CNTN5: variants seen among roughly 807,000 people sequenced by gnomAD.
CNTN5 encodes the protein contactin 5.
Under a neutral mutation model 129.1 loss-of-function variants are expected in CNTN5, and 77 were observed. The observed-to-expected ratio is 0.60, with a 90% CI of 0.50 to 0.72. The LOEUF (loss-of-function observed/expected upper bound fraction) is 0.72. Among genes scored for constraint, CNTN5 ranks in the 30% least tolerant of loss-of-function variants. The pLI is 0.00. For synonymous variants in CNTN5, 509 were observed against 465.6 expected (o/e 1.09, Z -1.20); for missense variants, 1,478 against 1,328.8 (o/e 1.11, Z -1.75).
chr11:99,585,310 T>C (rs1036538677), intron 3 of CNTN5, among the ~76,000 whole-genome samples: 14 of 152,316 alleles, frequency 9.2e-5, no homozygotes, highest in African/African-American at 3.1e-4. Flanking sequence ...CTTTTTTGAC[T>C]ACATATGTGT....
chr11:99,441,622 G>A (rs1436764094), intron 2 of CNTN5, among the ~76,000 whole-genome samples: 1 of 152,092 alleles, frequency 6.6e-6, no homozygotes, highest in Non-Finnish European at 1.5e-5. Flanking sequence ...GGATTTGGTT[G>A]CACCAAAGTA....
chr11:99,979,443 C>T (rs758257967), intron 8 of CNTN5, among the ~76,000 whole-genome samples: 3 of 152,094 alleles, frequency 2.0e-5, no homozygotes, highest in Admixed American at 6.5e-5. Flanking sequence ...CATACAAAGG[C>T]ACTGGGGAAG....
At chr11:99,498,506 C>T (rs7127856) in intron 2 of CNTN5, among the ~76,000 whole-genome samples, 32,861 of 152,014 alleles carry the variant, frequency 0.22, 3,765 homozygotes, top group Non-Finnish European at 0.25. Flanking sequence ...CTCCATTTTC[C>T]TCTCCCTAAC....
chr11:99,229,544 G>C (rs561501449), intron 1 of CNTN5, among the ~76,000 whole-genome samples: 2,433 of 122,436 alleles, frequency 0.02, 46 homozygotes, highest in African/African-American at 0.043. Flanking sequence ...AAAAAAAAAG[G>C]ACACAGCAGG....
chr11:100,339,315 G>A (rs1297003514), intron 21 of CNTN5, among the ~76,000 whole-genome samples: 6 of 152,070 alleles, frequency 3.9e-5, no homozygotes, highest in Non-Finnish European at 1.5e-5. Flanking sequence ...TGATGGGGAA[G>A]GTGGAAAATT....
chr11:99,326,883 T>C (rs1865807495), intron 2 of CNTN5, among the ~76,000 whole-genome samples: 1 of 152,146 alleles, frequency 6.6e-6, no homozygotes, highest in Non-Finnish European at 1.5e-5. Context: ...AATTTTGCCA[T>C]CAAAGTTCTA....
intron 3 of CNTN5, among the ~76,000 whole-genome samples, chr11:99,702,674 A>G (rs1954575346): frequency 6.6e-6 from 1 of 150,840 alleles, no homozygotes. Context: ...ACTTATCAAT[A>G]TTTTTCAGGA....
At chr11:99,631,094 A>G (rs1222192172) in intron 3 of CNTN5, among the ~76,000 whole-genome samples, 2 of 152,174 alleles carry the variant, frequency 1.3e-5, no homozygotes, top group Non-Finnish European at 2.9e-5. Context: ...GAAATTAATC[A>G]TGACAAACCA....
intron 2 of CNTN5, among the ~76,000 whole-genome samples, chr11:99,442,040 A>C (rs1290828129): frequency 4.6e-5 from 7 of 152,126 alleles, no homozygotes; most frequent in Non-Finnish European, 1.0e-4. Context: ...TTCCCTGATC[A>C]TCCTAAGCAG....
At chr11:100,155,338 T>C (rs527377734) in intron 13 of CNTN5, among the ~76,000 whole-genome samples, 62 of 152,056 alleles carry the variant, frequency 4.1e-4, no homozygotes, top group Non-Finnish European at 7.9e-4. Flanking sequence ...TGTAGATATG[T>C]GGTGTTATTT....
Position 99,468,606 on chromosome 11 carries a change from A to G in CNTN5, c.-70-87539A>G, listed in dbSNP as rs374119203. On this transcript the variant is annotated intron_variant, in intron 2 of 24. Coordinates refer to ENST00000524871, the MANE Select transcript of CNTN5 (RefSeq NM_014361.4). ...GCTTCTTTCCACTCAAATTCTTTCC[A>G]TCTTCCAAGTTATATGTTAAGATTA... Among the ~76,000 whole-genome samples the G allele has an allele frequency of 2.0e-5, 3 of 150,432 alleles. No individual in the cohort carries two copies. In the East Asian group the frequency reaches 5.9e-4, roughly 29 times the overall value.
At chr11:100,017,231 A>C (rs1940874953) in intron 9 of CNTN5, among the ~76,000 whole-genome samples, 1 of 151,950 alleles carries the variant, frequency 6.6e-6, no homozygotes, top group African/African-American at 2.4e-5. Flanking sequence ...AAAGAAGAAC[A>C]CACATCAGTA....
chr11:99,838,094 G>C (rs533586196), intron 4 of CNTN5, among the ~76,000 whole-genome samples: 1 of 152,226 alleles, frequency 6.6e-6, no homozygotes, highest in Non-Finnish European at 1.5e-5. Context: ...CTATTATGGA[G>C]TAGAATTGGG....
intron 8 of CNTN5, among the ~76,000 whole-genome samples, chr11:99,999,357 G>T (rs1000572043): frequency 1.3e-5 from 2 of 152,170 alleles, no homozygotes; most frequent in African/African-American, 4.8e-5. Context: ...GACATGAACA[G>T]ACACTTCTCA....
intron 18 of CNTN5, among the ~76,000 whole-genome samples, chr11:100,272,216 C>T (rs903498157): frequency 6.6e-6 from 1 of 152,052 alleles, no homozygotes; most frequent in African/African-American, 2.4e-5. Flanking sequence ...ATACTGAAAC[C>T]TAGAACAGTG....
At chr11:99,997,794 A>C (rs1283816979) in intron 8 of CNTN5, among the ~76,000 whole-genome samples, 1 of 152,096 alleles carries the variant, frequency 6.6e-6, no homozygotes, top group Non-Finnish European at 1.5e-5. Flanking sequence ...GCACATCAAA[A>C]AGCTTATCCA....
intron 23 of CNTN5, among the ~76,000 whole-genome samples, chr11:100,345,985 A>C (rs945364993): frequency 6.6e-6 from 1 of 152,152 alleles, no homozygotes; most frequent in Non-Finnish European, 1.5e-5. Context: ...CCAATTTGGT[A>C]ATTTATTTAG....
At position 99,063,489 on chromosome 11, in the gene CNTN5, G is replaced by A. The variant is rs552476288; in HGVS notation, c.-210+42219G>A. On this transcript the variant is annotated intron_variant, in intron 1 of 24. Coordinates refer to ENST00000524871, the MANE Select transcript of CNTN5 (RefSeq NM_014361.4). ...AAATTGGAAGAATACAAGTTTAAAA[G>A]AGAATTTACTGAAAACTCATAAATA... is the stretch of plus-strand genomic sequence containing the variant. Among the ~76,000 whole-genome samples the A allele has an allele frequency of 5.3e-5, 8 of 151,442 alleles. No homozygotes were observed. The South Asian group carries it at 1.7e-3, about 32-fold the overall frequency.
intron 13 of CNTN5, among the ~76,000 whole-genome samples, chr11:100,175,230 G>A (rs1226293827): frequency 6.6e-6 from 1 of 151,980 alleles, no homozygotes; most frequent in Non-Finnish European, 1.5e-5. Context: ...AATCCAGCAG[G>A]TCTACTTTTA....
Sources: allele counts gnomAD v4.1 joint callset (sites outside exome capture counted in the v4.1 genomes callset), GRCh38; gene constraint gnomAD v4.1.1; transcripts MANE v1.5; gene names NCBI Gene and HGNC (gene_info 2026-07-23, HGNC 2026-07-21).